SEPTIN9: variants seen among roughly 807,000 people sequenced by gnomAD.
SEPTIN9 encodes septin-9.
A neutral mutation model predicts 56.6 loss-of-function variants in SEPTIN9; 13 were observed. The ratio of observed to expected loss-of-function variants is 0.23; its 90% CI spans 0.15 to 0.37. SEPTIN9 has a LOEUF of 0.37. Among genes scored for constraint, SEPTIN9 ranks in the 10% least tolerant of loss-of-function variants. The pLI, the probability that SEPTIN9 is intolerant of heterozygous loss-of-function variation, is 1.00. For synonymous variants in SEPTIN9, 332 were observed against 334.1 expected (o/e 0.99, Z 0.07); for missense variants, 650 against 823.1 (o/e 0.79, Z 2.57).
At chr17:77,493,664 C>T (rs1429612413) in intron 10 of SEPTIN9, among the ~76,000 whole-genome samples, 1 of 152,130 alleles carries the variant, frequency 6.6e-6, no homozygotes, top group Non-Finnish European at 1.5e-5. Context: ...CTGGTGGCGC[C>T]TGGCATTCCT....
At chr17:77,293,592 C>A (rs1391228410) in intron 1 of SEPTIN9, among the ~76,000 whole-genome samples, 1 of 152,018 alleles carries the variant, frequency 6.6e-6, no homozygotes, top group African/African-American at 2.4e-5. Context: ...CTTATACAGC[C>A]CTCTAAAGGT....
chr17:77,290,827 A>G lies in SEPTIN9; in HGVS notation c.19+9273A>G, dbSNP rs557117030. 2.7e-5 allele frequency among the ~76,000 whole-genome samples: 4 copies of G among 150,156 alleles called. No homozygotes were observed. In the East Asian group the frequency reaches 8.0e-4, roughly 30 times the overall value. The stretch of plus-strand genomic sequence containing the variant: ...GAGACCCTGTCTCATAAATAAATAA[A>G]TAAATAAATAAATAAATAAATTCTT... On this transcript the variant is annotated intron_variant, in intron 1 of 11. Transcript: ENST00000427177.
intron 2 of SEPTIN9, among the ~76,000 whole-genome samples, chr17:77,309,724 C>T (rs2032408714): frequency 6.6e-6 from 1 of 150,854 alleles, no homozygotes. Context: ...GGTCAGCTCA[C>T]ACACTTTCTT....
At chr17:77,289,095 T>C (rs1250420100) in intron 1 of SEPTIN9, among the ~76,000 whole-genome samples, 4 of 151,944 alleles carry the variant, frequency 2.6e-5, no homozygotes, top group African/African-American at 9.7e-5. Context: ...TTTTGTTTGG[T>C]TTGGTTTGGT....
Position 77,435,093 on chromosome 17 carries a change from CTG to C in SEPTIN9, c.721+32393_721+32394del, listed in dbSNP as rs1008045994. 5.9e-5 allele frequency among the ~76,000 whole-genome samples: 9 copies of C among 152,178 alleles called. No individual in the cohort carries two copies. Among genetic ancestry groups the C allele is most frequent in the African/African-American group, 1.9e-4 (8 of 41,434 alleles). On this transcript the variant is annotated intron_variant, in intron 3 of 11. Coordinates refer to ENST00000427177, the MANE Select transcript of SEPTIN9 (RefSeq NM_001113491.2). The surrounding 1 kb of genome is among the most constrained non-coding windows in gnomAD (Gnocchi z 4.5). ...ATCCCCTTTAATCCTCCCAACAACA[CTG>C]TGAAATTGATTCTGTTGTTATTCCC...
chr17:77,484,560 T>G (rs1598450632), intron 4 of SEPTIN9, among the ~76,000 whole-genome samples: 1 of 129,594 alleles, frequency 7.7e-6, no homozygotes, highest in Admixed American at 7.4e-5. Flanking sequence ...GTGATGATGG[T>G]GATTGTGGTG....
rs375172433 is a variant in SEPTIN9 at position 77,402,496 on chromosome 17, G to A, written c.514G>A (p.Val172Ile). 178 of 1,603,642 alleles carry A rather than the reference G, an allele frequency of 1.1e-4. No individual in the cohort carries two copies. The highest frequency in any genetic ancestry group is 1.4e-4 in the Non-Finnish European group (161 of 1,175,752). The change falls in exon 3 of 12, where the codon GTC becomes ATC. Residue 172 changes from valine (V) to isoleucine (I), a missense_variant. By Grantham distance (29) the Val-to-Ile change is conservative. Coordinates refer to ENST00000427177, the MANE Select transcript of SEPTIN9 (RefSeq NM_001113491.2). The surrounding 1 kb of genome is among the most constrained non-coding windows in gnomAD (Gnocchi z 6.6). ...GAGGATGGAGCCCCCTGCCTCCAAG[G>A]TCCCCGAGGTGCCCACTGCCCCTGC... ...HRRMEPPASKVPEVPTAPATD... is the reference protein window; with the variant it reads ...HRRMEPPASKIPEVPTAPATD...
chr17:77,473,816 C>G (rs1244860911), intron 3 of SEPTIN9, among the ~76,000 whole-genome samples: 1 of 152,196 alleles, frequency 6.6e-6, no homozygotes, highest in Non-Finnish European at 1.5e-5. Context: ...CTTTTTGTTA[C>G]TGTGAAGTAG....
At chr17:77,373,275 G>T (rs2034783483) in intron 2 of SEPTIN9, 1 of 1,153,298 alleles carries the variant, frequency 8.7e-7, no homozygotes, top group Non-Finnish European at 1.1e-6. Flanking sequence ...ATCCGCCCGG[G>T]AGGCGGGGGC....
At position 77,323,588 on chromosome 17, in the gene SEPTIN9, G is replaced by A. The variant is rs908677071; in HGVS notation, c.76+16391G>A. On this transcript the variant is annotated intron_variant, in intron 2 of 11. Transcript: ENST00000427177. This position sits in a 1 kb window ranked among gnomAD's most constrained non-coding sequence, Gnocchi z 6.8. ...TCCCCACCAGGGTCCATCTGATGCA[G>A]TACGGCACAGGGTAAAGCCCAGCTC... 3 of 152,358 alleles carry A rather than the reference G, an allele frequency of 2.0e-5. No individual in the cohort carries two copies. Among genetic ancestry groups the A allele is most frequent in the African/African-American group, 7.2e-5 (3 of 41,430 alleles). 9.4% of individuals were successfully genotyped at this position (152,358 alleles called of 1,614,324 possible). A position where few individuals can be genotyped will look rare whatever the true frequency, so the allele number is the denominator to read the frequency against.
intron 3 of SEPTIN9, chr17:77,404,944 T>G: frequency 1.3e-6 from 1 of 740,952 alleles, no homozygotes; most frequent in South Asian, 1.9e-5. Flanking sequence ...GGCAGGAGGC[T>G]GTTTCCTCCC....
chr17:77,475,209 T>G lies in SEPTIN9; in HGVS notation c.722-6935T>G. ...GCTTCACAAACCCTGTGTGGGGGGGTTGTGGTGAGAGGAAACCGCACACAT... is the reference window on the plus strand; with the variant it reads ...GCTTCACAAACCCTGTGTGGGGGGGGTGTGGTGAGAGGAAACCGCACACAT... On this transcript the variant is annotated intron_variant, in intron 3 of 11. Transcript: ENST00000427177. The surrounding 1 kb of genome is among the most constrained non-coding windows in gnomAD (Gnocchi z 4.6). 14 of 1,217,980 alleles carry G rather than the reference T, an allele frequency of 1.1e-5. No individual in the cohort carries two copies. Among genetic ancestry groups the G allele is most frequent in the Non-Finnish European group, 1.2e-5 (12 of 974,114 alleles). The allele number at this position is 1,217,980 out of a possible 1,614,324, so 75.4% of individuals were successfully genotyped here.
intron 3 of SEPTIN9, among the ~76,000 whole-genome samples, chr17:77,462,713 C>T (rs540323326): frequency 6.6e-6 from 1 of 152,202 alleles, no homozygotes; most frequent in Non-Finnish European, 1.5e-5. Flanking sequence ...ATGATCTCTG[C>T]TCACTGCAAC....
At chr17:77,299,515 G>A (rs983103728) in intron 1 of SEPTIN9, among the ~76,000 whole-genome samples, 1 of 152,222 alleles carries the variant, frequency 6.6e-6, no homozygotes, top group African/African-American at 2.4e-5. Flanking sequence ...GTTACAGTGA[G>A]CCATGATCAT....
At chr17:77,345,551 G>A (rs1027667374) in intron 2 of SEPTIN9, among the ~76,000 whole-genome samples, 1 of 152,292 alleles carries the variant, frequency 6.6e-6, no homozygotes, top group South Asian at 2.1e-4. Context: ...CTGGGTAGCC[G>A]AGAAACCTAC....
intron 3 of SEPTIN9, among the ~76,000 whole-genome samples, chr17:77,458,024 G>C (rs548838764): frequency 6.6e-6 from 1 of 152,202 alleles, no homozygotes; most frequent in South Asian, 2.1e-4. Context: ...CACCCTGAAG[G>C]GGGGCTGGAT....
At chr17:77,442,967 G>A (rs557149103) in intron 3 of SEPTIN9, among the ~76,000 whole-genome samples, 1 of 152,230 alleles carries the variant, frequency 6.6e-6, no homozygotes, top group East Asian at 1.9e-4. Flanking sequence ...GATGGGAGAT[G>A]TGAAGTCTTG....
chr17:77,321,904 C>T (rs1057475669), intron 2 of SEPTIN9, among the ~76,000 whole-genome samples: 51 of 152,218 alleles, frequency 3.4e-4, no homozygotes, highest in Admixed American at 2.2e-3. Context: ...TCCTGCTCTC[C>T]GCCCAGCAGG....
Position 77,307,147 on chromosome 17 carries a change from C to A in SEPTIN9, c.26C>A (p.Thr9Lys). 1.2e-6 allele frequency: 2 copies of A among 1,613,920 alleles called. No homozygotes were observed. Among genetic ancestry groups the A allele is most frequent in the Non-Finnish European group, 1.7e-6 (2 of 1,179,842 alleles). ...CCTTTGTCTCTGTCTTTAGGAGGCA[C>A]GCGGACCTCCAGTGGCCGGCTCCGG... The part of the protein sequence containing the change: MKKSYSGG[T>K]RTSSGRLRRL... Residue 9 changes from threonine (T) to lysine (K), a missense_variant, in exon 2 of 12, where the codon ACG (threonine) becomes AAG (lysine). Around this residue, in one of 2 missense-constraint regions of SEPTIN9, gnomAD observed 317 missense variants for 329.1 expected, o/e 0.96. Coordinates refer to ENST00000427177, the MANE Select transcript of SEPTIN9 (RefSeq NM_001113491.2).
Sources: gnomAD v4.1 joint callset for allele counts (sites outside exome capture counted in the v4.1 genomes callset) on GRCh38, gnomAD v4.1.1 for gene constraint, gnomAD v4.1.1 regional missense constraint, Gnocchi (gnomAD v3.1) non-coding constraint, MANE v1.5 for transcripts, NCBI Gene and HGNC (gene_info 2026-07-23, HGNC 2026-07-21) for gene names.